Variants in CMTM8 observed in about 807,000 individuals in gnomAD.
CMTM8 encodes CKLF like MARVEL transmembrane domain containing 8, also known as CKLF-like MARVEL transmembrane domain-containing protein 8.
Under a neutral mutation model 18.6 loss-of-function variants are expected in CMTM8, and 12 were observed. The ratio of observed to expected loss-of-function variants is 0.65; its 90% CI spans 0.41 to 1.05. The LOEUF (loss-of-function observed/expected upper bound fraction) is 1.05, where lower values mean the gene tolerates loss of function less well. Among genes scored for constraint, CMTM8 ranks in the 50% least tolerant of loss-of-function variants. The pLI, the probability that CMTM8 is intolerant of heterozygous loss-of-function variation, is 0.00. For synonymous variants in CMTM8, 87 were observed against 90.6 expected (o/e 0.96, Z 0.23); for missense variants, 217 against 227.2 (o/e 0.95, Z 0.29).
At position 32,238,884 on chromosome 3, in the gene CMTM8, C is replaced by A; in HGVS notation, c.-89C>A. 1 of 1,248,026 alleles carries A rather than the reference C, an allele frequency of 8.0e-7. No individual in the cohort carries two copies. Among genetic ancestry groups the A allele is most frequent in the Non-Finnish European group, 1.0e-6 (1 of 967,470 alleles). 77.3% of individuals were successfully genotyped at this position (1,248,026 alleles called of 1,614,324 possible). ...GCGCGGGCCGCGCTCCCCTCCCCCGCGCCTGTGTCCCCAGGGCGCAGGGCC... is the reference window on the plus strand; with the variant it reads ...GCGCGGGCCGCGCTCCCCTCCCCCGAGCCTGTGTCCCCAGGGCGCAGGGCC... On this transcript the variant is annotated 5_prime_UTR_variant, in exon 1 of 4. Coordinates refer to ENST00000307526, the MANE Select transcript of CMTM8 (RefSeq NM_178868.5).
chr3:32,246,870 G>A (rs1460284516), intron 1 of CMTM8, among the ~76,000 whole-genome samples: 2 of 152,216 alleles, frequency 1.3e-5, no homozygotes, highest in Admixed American at 1.3e-4. Context: ...GGGAGGCTGA[G>A]GCAGGAGGAT....
chr3:32,338,922 A>G (rs1173160725), intron 1 of CMTM8, among the ~76,000 whole-genome samples: 1 of 152,194 alleles, frequency 6.6e-6, no homozygotes, highest in East Asian at 1.9e-4. Context: ...ACTTCCAAGG[A>G]TTCAGCTTGG....
chr3:32,354,358 G>C (rs1696771271), intron 1 of CMTM8, among the ~76,000 whole-genome samples: 1 of 152,086 alleles, frequency 6.6e-6, no homozygotes, highest in African/African-American at 2.4e-5. Context: ...AAATTCACTT[G>C]GGTAGAACAA....
At chr3:32,314,344 A>G (rs2125572127) in intron 1 of CMTM8, among the ~76,000 whole-genome samples, 1 of 152,186 alleles carries the variant, frequency 6.6e-6, no homozygotes, top group South Asian at 2.1e-4. Context: ...GAAGCTCCTG[A>G]CCAGTGGCTG....
chr3:32,259,444 GACAGA>G (rs1702223871), intron 1 of CMTM8: 1 of 796,404 alleles, frequency 1.3e-6, no homozygotes, highest in Admixed American at 1.7e-5. Context: ...TCAAGTATGA[GACAGA>G]ACTGGCCATG....
intron 1 of CMTM8, among the ~76,000 whole-genome samples, chr3:32,251,792 T>G (rs116016602): frequency 6.6e-6 from 1 of 151,286 alleles, no homozygotes; most frequent in Non-Finnish European, 1.5e-5. Context: ...TTTTTTTTTT[T>G]AATATTTACT....
At chr3:32,327,265 T>C (rs2125581343) in intron 1 of CMTM8, among the ~76,000 whole-genome samples, 1 of 152,360 alleles carries the variant, frequency 6.6e-6, no homozygotes, top group East Asian at 1.9e-4. Context: ...TCTCTGAGGC[T>C]TTTAAAATAA....
rs539372914 is a variant in CMTM8, at chr3:32,330,177, C to T, written c.148-27196C>T. On this transcript the variant is annotated intron_variant, in intron 1 of 3. Coordinates refer to ENST00000307526, the MANE Select transcript of CMTM8 (RefSeq NM_178868.5). ...GATGATTCACAGATTCAGTGCAATCCCAGTCAAAATCCCAGTGGCATTTTT... is the reference window on the plus strand; with the variant it reads ...GATGATTCACAGATTCAGTGCAATCTCAGTCAAAATCCCAGTGGCATTTTT... 2.7e-5 allele frequency among the ~76,000 whole-genome samples: 4 copies of T among 146,252 alleles called. No homozygotes were observed. In the East Asian group the frequency reaches 7.9e-4, roughly 29 times the overall value.
chr3:32,239,087 A>C lies in CMTM8; in HGVS notation c.115A>C (p.Thr39Pro). 6.2e-7 allele frequency: 1 copy of C among 1,600,660 alleles called. No individual in the cohort carries two copies. The highest frequency in any genetic ancestry group is 8.5e-7 in the Non-Finnish European group (1 of 1,174,332). The change falls in exon 1 of 4, where the codon ACC becomes CCC. Residue 39 changes from threonine to proline, a missense_variant. Coordinates refer to ENST00000307526, the MANE Select transcript of CMTM8 (RefSeq NM_178868.5). ...SFAYDREFLRTLPGFLIVAEI... is the reference protein window; with the variant it reads ...SFAYDREFLRPLPGFLIVAEI... ...CGCCTACGACCGGGAGTTCCTCCGC[A>C]CCCTGCCCGGCTTCCTCATCGTGGC...
chr3:32,366,990 A>G (rs1697051006), intron 2 of CMTM8, among the ~76,000 whole-genome samples: 1 of 152,118 alleles, frequency 6.6e-6, no homozygotes, highest in East Asian at 1.9e-4. Context: ...GGAAAATTCT[A>G]TGTAGCTTTT....
At chr3:32,338,471 A>T (rs902986337) in intron 1 of CMTM8, among the ~76,000 whole-genome samples, 2 of 152,216 alleles carry the variant, frequency 1.3e-5, no homozygotes, top group African/African-American at 4.8e-5. Flanking sequence ...AAGAAAAAAC[A>T]TGAGACTGAT....
intron 2 of CMTM8, among the ~76,000 whole-genome samples, chr3:32,359,146 A>G (rs1008498770): frequency 1.3e-5 from 2 of 152,178 alleles, no homozygotes; most frequent in African/African-American, 2.4e-5. Flanking sequence ...TAGATCAGCA[A>G]TTGGCATGCT....
intron 1 of CMTM8, among the ~76,000 whole-genome samples, chr3:32,280,520 G>A (rs1257007118): frequency 2.6e-5 from 4 of 152,094 alleles, no homozygotes; most frequent in African/African-American, 9.7e-5. Flanking sequence ...TACATAGGCT[G>A]TAACCAAGTA....
chr3:32,246,975 C>T (rs1442986434), intron 1 of CMTM8, among the ~76,000 whole-genome samples: 1 of 152,042 alleles, frequency 6.6e-6, no homozygotes, highest in African/African-American at 2.4e-5. Context: ...GTGGCAGGCA[C>T]CTGTAATCCC....
chr3:32,319,057 C>CATATATATATATATATAT lies in CMTM8; in HGVS notation c.148-38315_148-38298dup, dbSNP rs1553605520. Among the ~76,000 whole-genome samples the CATATATATATATATATAT allele has an allele frequency of 9.4e-4, 43 of 45,866 alleles. 1 individual carries two copies. The highest frequency in any genetic ancestry group is 1.3e-3 in the African/African-American group (13 of 10,168). The allele number at this position is 45,866 out of a possible 152,430, so 30.1% of individuals were successfully genotyped here. A position where few individuals can be genotyped will look rare whatever the true frequency, so the allele number is the denominator to read the frequency against. On this transcript the variant is annotated intron_variant, in intron 1 of 3. Coordinates refer to ENST00000307526, the MANE Select transcript of CMTM8 (RefSeq NM_178868.5). ...AAATTTATATATATGTGTGTATATA[C>CATATATATATATATATAT]ATATATATATATATATATTTTTTTT...
chr3:32,312,692 C>T (rs905820156), intron 1 of CMTM8, among the ~76,000 whole-genome samples: 3 of 152,056 alleles, frequency 2.0e-5, no homozygotes, highest in Admixed American at 1.3e-4. Context: ...ATTCAATCTT[C>T]AGTCCCTCTT....
chr3:32,353,770 A>G (rs1696758326), intron 1 of CMTM8, among the ~76,000 whole-genome samples: 1 of 150,368 alleles, frequency 6.7e-6, no homozygotes, highest in Admixed American at 6.7e-5. Flanking sequence ...ATTTCTTAAT[A>G]TACTTCTGTG....
At chr3:32,258,906 C>T in intron 1 of CMTM8, 2 of 275,132 alleles carry the variant, frequency 7.3e-6, no homozygotes, top group South Asian at 4.6e-5. Flanking sequence ...GAGTTCTGTC[C>T]CCTCGCTTCC....
intron 1 of CMTM8, among the ~76,000 whole-genome samples, chr3:32,329,627 C>T (rs1696232100): frequency 6.6e-6 from 1 of 152,108 alleles, no homozygotes; most frequent in African/African-American, 2.4e-5. Flanking sequence ...CCTCAACATA[C>T]TAAAGACCAT....
Sources: allele counts gnomAD v4.1 joint callset (sites outside exome capture counted in the v4.1 genomes callset), GRCh38; gene constraint gnomAD v4.1.1; transcripts MANE v1.5; gene names NCBI Gene and HGNC (gene_info 2026-07-23, HGNC 2026-07-21).